The following SOX5 variants were observed in gnomAD, a reference collection of about 807,000 sequenced individuals.
SOX5 encodes the protein SRY-box transcription factor 5.
In SOX5, 9 loss-of-function variants were observed where a neutral mutation model predicts 92.0. That is an observed-to-expected ratio of 0.10 (90% CI 0.06 to 0.17). SOX5 has a LOEUF of 0.17. SOX5 is among the 10% of genes least tolerant of loss of function. The pLI is 1.00. For synonymous variants in SOX5, 344 were observed against 336.3 expected, an observed-to-expected ratio of 1.02 and a Z score of -0.25; for missense variants, 642 against 944.5, an observed-to-expected ratio of 0.68 and a Z score of 4.20.
At chr12:24,213,253 T>G (rs185168020) in intron 4 of SOX5, 1 of 151,844 alleles carries the variant, frequency 6.6e-6, no homozygotes, top group Admixed American at 6.5e-5. Context: ...CTCAAGCACA[T>G]GGAAGAAATA....
intron 4 of SOX5, among the ~76,000 whole-genome samples, chr12:24,015,005 G>C (rs1953422066): frequency 6.6e-6 from 1 of 152,032 alleles, no homozygotes; most frequent in South Asian, 2.1e-4. Flanking sequence ...ACTTGCAGAG[G>C]AATCAAGCAC....
At chr12:24,233,847 A>T (rs1349807678) in intron 3 of SOX5, among the ~76,000 whole-genome samples, 1 of 152,248 alleles carries the variant, frequency 6.6e-6, no homozygotes, top group African/African-American at 2.4e-5. Flanking sequence ...TAATAGAATC[A>T]TGTGTCTTCA....
intron 4 of SOX5, among the ~76,000 whole-genome samples, chr12:24,014,352 T>C (rs1953325186): frequency 6.6e-6 from 1 of 152,196 alleles, no homozygotes. Flanking sequence ...GAAAGCATTA[T>C]GCTCATCAGA....
rs117374345 is a variant in SOX5 at position 23,734,987 on chromosome 12, G to A, written c.742-235C>T. ...AACAAATGAAGCCTAAGATACCACG[G>A]CAGTGATCAATCCCAGAAAGAAATG... On this transcript the variant is annotated intron_variant, in intron 5 of 14. Transcript: ENST00000451604. Among the ~76,000 whole-genome samples, 344 of 152,234 alleles carry A rather than the reference G, an allele frequency of 2.3e-3. 3 individuals are homozygous for A. The highest frequency in any genetic ancestry group is 0.017 in the East Asian group (90 of 5,178).
chr12:23,988,632 A>G (rs1025745124), intron 4 of SOX5, among the ~76,000 whole-genome samples: 10 of 152,198 alleles, frequency 6.6e-5, no homozygotes, highest in African/African-American at 2.2e-4. Context: ...CGGAAGTGCT[A>G]TAAGTTAGGT....
chr12:24,017,643 A>T (rs1217200631), intron 4 of SOX5, among the ~76,000 whole-genome samples: 18 of 152,120 alleles, frequency 1.2e-4, no homozygotes, highest in Admixed American at 1.1e-3. Flanking sequence ...AAATGAAATT[A>T]AAAAAGAAAA....
At chr12:23,792,659 A>AAAAAAAC in intron 3 of SOX5, among the ~76,000 whole-genome samples, 1 of 132,556 alleles carries the variant, frequency 7.5e-6, no homozygotes, top group African/African-American at 2.7e-5. Flanking sequence ...AAAAAAAAAA[A>AAAAAAAC]AAACTTGGAC....
At chr12:24,431,889 T>C (rs906477795) in intron 1 of SOX5, among the ~76,000 whole-genome samples, 1 of 152,166 alleles carries the variant, frequency 6.6e-6, no homozygotes, top group African/African-American at 2.4e-5. Context: ...TAGCAAGATC[T>C]ATAGGCTTTG....
intron 2 of SOX5, among the ~76,000 whole-genome samples, chr12:24,348,211 T>C (rs1418330869): frequency 1.3e-5 from 2 of 151,970 alleles, no homozygotes; most frequent in Non-Finnish European, 2.9e-5. Flanking sequence ...AAGTTTGCGA[T>C]CTCCTAAGAC....
chr12:23,777,583 A>G (rs766826755), intron 3 of SOX5, among the ~76,000 whole-genome samples: 4 of 152,004 alleles, frequency 2.6e-5, no homozygotes, highest in Non-Finnish European at 5.9e-5. Context: ...CACAATACAT[A>G]CCTTTCTTTG....
At chr12:23,794,615 G>A (rs568852887) in intron 3 of SOX5, among the ~76,000 whole-genome samples, 5 of 152,010 alleles carry the variant, frequency 3.3e-5, no homozygotes, top group Admixed American at 6.6e-5. Flanking sequence ...AAACAAAAAC[G>A]CAATGTTTAC....
intron 4 of SOX5, among the ~76,000 whole-genome samples, chr12:24,001,020 T>A (rs1369821170): frequency 6.6e-6 from 1 of 152,150 alleles, no homozygotes; most frequent in Non-Finnish European, 1.5e-5. Flanking sequence ...CCATGATACA[T>A]CATATGGTAA....
intron 3 of SOX5, among the ~76,000 whole-genome samples, chr12:23,758,691 G>T (rs1415624492): frequency 6.6e-6 from 1 of 151,974 alleles, no homozygotes; most frequent in Non-Finnish European, 1.5e-5. Flanking sequence ...CCGCCCAAAA[G>T]CATGTGTTGA....
intron 1 of SOX5, among the ~76,000 whole-genome samples, chr12:24,513,451 C>T (rs1314197800): frequency 1.3e-5 from 2 of 152,174 alleles, no homozygotes; most frequent in East Asian, 3.8e-4. Flanking sequence ...TGTTTGTAAA[C>T]TGGCATGCTT....
intron 10 of SOX5, among the ~76,000 whole-genome samples, chr12:23,565,805 T>C (rs1449397678): frequency 6.6e-6 from 1 of 152,206 alleles, no homozygotes. Context: ...CATAAAGCCA[T>C]GTATATATGA....
rs1026450383 is a variant in SOX5 at position 23,660,716 on chromosome 12, AT to A, written c.931+4727del. 3.9e-4 allele frequency among the ~76,000 whole-genome samples: 59 copies of A among 151,586 alleles called. 1 individual carries two copies. The highest frequency in any genetic ancestry group is 1.3e-4 in the Non-Finnish European group (9 of 67,840). On this transcript the variant is annotated intron_variant, in intron 7 of 14. Coordinates refer to ENST00000451604, the MANE Select transcript of SOX5 (RefSeq NM_006940.6). ...ATAACTTCCAGGTTAAAAAAAAAAA[AT>A]CACAGTAATTTTTAAAACAACTCTA...
At chr12:24,346,091 T>G (rs1953195814) in intron 2 of SOX5, among the ~76,000 whole-genome samples, 1 of 152,252 alleles carries the variant, frequency 6.6e-6, no homozygotes, top group Non-Finnish European at 1.5e-5. Flanking sequence ...AAGAATGTAT[T>G]TCTGCATTAC....
At chr12:23,988,157 C>T (rs1950224786) in intron 4 of SOX5, among the ~76,000 whole-genome samples, 1 of 152,078 alleles carries the variant, frequency 6.6e-6, no homozygotes, top group Non-Finnish European at 1.5e-5. Context: ...GGAGATCATG[C>T]TATTTACAGT....
At chr12:24,099,275 C>T (rs1009482967) in intron 4 of SOX5, among the ~76,000 whole-genome samples, 17 of 151,998 alleles carry the variant, frequency 1.1e-4, no homozygotes, top group East Asian at 1.9e-4. Context: ...TGTTTTAGGC[C>T]GGGATTCTTG....
Sources: allele counts gnomAD v4.1 joint callset (sites outside exome capture counted in the v4.1 genomes callset), GRCh38; gene constraint gnomAD v4.1.1; transcripts MANE v1.5; gene names NCBI Gene and HGNC (gene_info 2026-07-23, HGNC 2026-07-21).